USP22: variants seen among roughly 807,000 people sequenced by gnomAD.
USP22 encodes ubiquitin specific peptidase 22.
In USP22, 22 loss-of-function variants were observed where a neutral mutation model predicts 68.1. The observed-to-expected ratio is 0.32, with a 90% confidence interval of 0.23 to 0.46. The LOEUF (loss-of-function observed/expected upper bound fraction) is 0.46, where lower values mean the gene tolerates loss of function less well. USP22 is among the 20% of genes least tolerant of loss of function. USP22 has a pLI of 1.00. For missense variants in USP22, 433 were observed against 695.8 expected, an observed-to-expected ratio of 0.62 and a Z score of 4.25; for synonymous variants, 279 against 274.2, an observed-to-expected ratio of 1.02 and a Z score of -0.17.
rs1326476742 is a variant in USP22, at chr17:21,021,224, T to C, written c.307A>G (p.Ile103Val). 15 of 1,602,120 alleles carry C rather than the reference T, an allele frequency of 9.4e-6. No homozygotes were observed. In the East Asian group the frequency reaches 3.3e-4, roughly 36 times the overall value. The change falls in exon 3 of 13, where the codon ATT becomes GTT. Residue 103 changes from isoleucine (I) to valine (V), a missense_variant and splice_region_variant. By Grantham distance (29) the Ile-to-Val change is conservative. Coordinates refer to ENST00000261497, the MANE Select transcript of USP22 (RefSeq NM_015276.2). ...HAKAKRHNLA[I>V]DLMYGGIYCF... is the part of the protein sequence containing the mutation. ...TAGATGCCTCCGTACATCAGATCAA[T>C]GGCTGAGGAGAGAAAGGAGGGAGGA...
chr17:21,028,558 C>T lies in USP22; in HGVS notation c.288G>A (p.Ala96=), dbSNP rs760855750. The T allele has an allele frequency of 1.1e-5, 18 of 1,614,056 alleles. No individual in the cohort carries two copies. The highest frequency in any genetic ancestry group is 3.3e-4 in the Middle Eastern group (2 of 6,060). ...TKKHIHEHAK[A]KRHNLAIDLM... The stretch of plus-strand genomic sequence containing the variant: ...TCGCCTCACCCAGGTTGTGCCGCTT[C>T]GCCTTCGCATGCTCGTGAATATGCT... The change falls in exon 2 of 13, where the codon GCG becomes GCA. Residue 96 remains alanine, a synonymous_variant. Transcript: ENST00000261497.
At position 21,002,028 on chromosome 17, in the gene USP22, C is replaced by G. The variant is rs1448917560; in HGVS notation, c.*1003G>C. On this transcript the variant is annotated 3_prime_UTR_variant, in exon 13 of 13. Transcript: ENST00000261497. ...GCGACCAACACCCTTGGCTGCCAGGCAGCGGTAGCCAGGCAATGGGATAGA... is the reference window on the plus strand; with the variant it reads ...GCGACCAACACCCTTGGCTGCCAGGGAGCGGTAGCCAGGCAATGGGATAGA... 1 of 151,832 alleles carries G rather than the reference C, an allele frequency of 6.6e-6. No homozygotes were observed. Among genetic ancestry groups the G allele is most frequent in the South Asian group, 2.1e-4 (1 of 4,762 alleles). The allele number at this position is 151,832 out of a possible 1,614,324, so 9.4% of individuals were successfully genotyped here.
At chr17:21,012,773 G>A in intron 7 of USP22, 57 bp downstream of exon 7, 1 of 1,470,014 alleles carries the variant, frequency 6.8e-7, no homozygotes, top group Non-Finnish European at 9.5e-7. Context: ...AGACTGGGAG[G>A]ATGTCAGTAC....
intron 8 of USP22, among the ~76,000 whole-genome samples, chr17:21,009,533 C>A (rs932138728): frequency 6.6e-6 from 1 of 152,216 alleles, no homozygotes; most frequent in African/African-American, 2.4e-5. Flanking sequence ...CTCCTAACAA[C>A]ACAGGCTTCC....
intron 2 of USP22, among the ~76,000 whole-genome samples, chr17:21,025,118 T>C (rs766810059): frequency 1.3e-5 from 2 of 151,950 alleles, no homozygotes; most frequent in East Asian, 1.9e-4. Flanking sequence ...ATCCAGAATA[T>C]ACACACACAC....
chr17:21,038,273 G>A (rs1019827643), intron 1 of USP22, among the ~76,000 whole-genome samples: 5 of 151,540 alleles, frequency 3.3e-5, no homozygotes, highest in African/African-American at 1.2e-4. Flanking sequence ...CACGTATCAG[G>A]AAAATGAGCT....
At chr17:21,011,341 G>A in intron 7 of USP22, 32 bp from the exon 8 acceptor site, 1 of 1,551,064 alleles carries the variant, frequency 6.4e-7, no homozygotes, top group Non-Finnish European at 8.7e-7. Flanking sequence ...TGGCTGTGAG[G>A]ACTGACACCC....
At chr17:21,020,058 T>C (rs866315954) in intron 3 of USP22, among the ~76,000 whole-genome samples, 11 of 151,388 alleles carry the variant, frequency 7.3e-5, no homozygotes, top group Non-Finnish European at 1.6e-4. Flanking sequence ...CACTGGGGTG[T>C]TTTCAATGGA....
intron 1 of USP22, chr17:21,042,268 G>A (rs907258575): frequency 6.3e-6 from 1 of 159,716 alleles, no homozygotes; most frequent in African/African-American, 2.4e-5. Flanking sequence ...AGGCTCCCCA[G>A]GCAGCAGGGC....
chr17:21,011,499 C>T (rs964725616), intron 7 of USP22, 190 bp from the exon 8 acceptor site: 4 of 688,620 alleles, frequency 5.8e-6, no homozygotes, highest in South Asian at 5.7e-5. Context: ...CAAGGTGGCC[C>T]TGGGGAGGGG....
intron 1 of USP22, among the ~76,000 whole-genome samples, chr17:21,033,511 G>C (rs1308376143): frequency 6.6e-6 from 1 of 152,078 alleles, no homozygotes; most frequent in Non-Finnish European, 1.5e-5. Context: ...CAGAGCCCTT[G>C]TAGTCAACCA....
At chr17:21,036,532 G>GGA (rs1255534214) in intron 1 of USP22, among the ~76,000 whole-genome samples, 2 of 123,820 alleles carry the variant, frequency 1.6e-5, no homozygotes, top group Non-Finnish European at 3.4e-5. Context: ...GGGGGGGGGG[G>GGA]TCAAGTCATT....
intron 1 of USP22, among the ~76,000 whole-genome samples, chr17:21,029,568 G>A (rs1972263796): frequency 6.6e-6 from 1 of 152,194 alleles, no homozygotes; most frequent in Non-Finnish European, 1.5e-5. Flanking sequence ...ATCATCAGTA[G>A]ATGCTAGAAC....
chr17:21,028,517 C>T lies in USP22; in HGVS notation c.304+25G>A, dbSNP rs199667979. 444 of 1,610,196 alleles carry T rather than the reference C, an allele frequency of 2.8e-4. 4 individuals carry two copies. The South Asian group carries it at 3.9e-3, about 14-fold the overall frequency. ...TAGCAATTTGGGGGCCACAACTATC[C>T]CCCCATCCCAGAAGCTCGCCTCACC... On this transcript the variant is annotated intron_variant, in intron 2 of 12. Coordinates refer to ENST00000261497, the MANE Select transcript of USP22 (RefSeq NM_015276.2).
chr17:21,030,452 C>G (rs147443203), intron 1 of USP22, among the ~76,000 whole-genome samples: 1 of 152,108 alleles, frequency 6.6e-6, no homozygotes, highest in African/African-American at 2.4e-5. Context: ...TAGATATATA[C>G]AGTTTCAGAG....
At chr17:21,017,496 C>T (rs1041573489) in intron 5 of USP22, among the ~76,000 whole-genome samples, 4 of 152,236 alleles carry the variant, frequency 2.6e-5, no homozygotes, top group African/African-American at 4.8e-5. Context: ...GAACAGCCAA[C>T]GTGCAGCGCG....
upstream of USP22, chr17:21,043,241 G>T (rs1487685379): frequency 5.6e-6 from 1 of 178,792 alleles, no homozygotes; most frequent in Non-Finnish European, 1.1e-5. Context: ...AGGAAGCGTG[G>T]TAGGGGGGGG....
chr17:21,006,848 A>G (rs1360258224), intron 10 of USP22, 48 bp downstream of exon 10: 2 of 1,454,006 alleles, frequency 1.4e-6, no homozygotes, highest in Admixed American at 2.3e-5. Context: ...CTGTCCTGAT[A>G]GGATCACAGC....
chr17:21,020,244 C>CAAAAAAAAAAAAAAAAAAAAAAA (rs3047597), intron 3 of USP22, among the ~76,000 whole-genome samples: 6 of 73,282 alleles, frequency 8.2e-5, no homozygotes, highest in East Asian at 6.4e-4. Context: ...AATCAAAAAC[C>CAAAAAAAAAAAAAAAAAAAAAAA]AAAAAAAAAA....
Sources: allele counts gnomAD v4.1 joint callset (sites outside exome capture counted in the v4.1 genomes callset), GRCh38; gene constraint gnomAD v4.1.1; transcripts MANE v1.5; gene names NCBI Gene and HGNC (gene_info 2026-07-23, HGNC 2026-07-21).